The following TLN2 variants were observed in gnomAD, a reference collection of about 807,000 sequenced individuals.
The protein encoded by TLN2 is talin 2.
A neutral mutation model predicts 294.7 loss-of-function variants in TLN2; 118 were observed. That is an observed-to-expected ratio of 0.40 (90% CI 0.34 to 0.47). The LOEUF (loss-of-function observed/expected upper bound fraction) is 0.47. Among genes scored for constraint, TLN2 ranks in the 20% least tolerant of loss-of-function variants. The probability of loss-of-function intolerance (pLI) is 0.84; values close to 1 mark genes in which losing one functional copy is unlikely to be tolerated. For synonymous variants in TLN2, 1,431 were observed against 1,304.5 expected, an observed-to-expected ratio of 1.10 and a Z score of -2.09; for missense variants, 3,083 against 3,282.2, an observed-to-expected ratio of 0.94 and a Z score of 1.48.
At chr15:62,602,935 C>T (rs531220703) in intron 2 of TLN2, among the ~76,000 whole-genome samples, 3 of 151,406 alleles carry the variant, frequency 2.0e-5, no homozygotes, top group African/African-American at 7.3e-5. Context: ...CTCTGTTGCC[C>T]AGGCTGGAGT....
chr15:62,801,344 A>G (rs920141886), intron 50 of TLN2, among the ~76,000 whole-genome samples: 1 of 152,168 alleles, frequency 6.6e-6, no homozygotes, highest in African/African-American at 2.4e-5. Context: ...AGTTACTGCA[A>G]TGTGGATGAT....
Position 62,702,791 on chromosome 15 carries a change from C to T in TLN2, c.1931C>T (p.Ala644Val), listed in dbSNP as rs1410424536. ...GEPRQTVLTA[A>V]GSIGQASGDL... ...CCTCGACAGACAGTTTTGACTGCTG[C>T]TGGCAGCATCGGACAAGCCAGTGGG... The change falls in exon 19 of 59, where the codon GCT becomes GTT. Residue 644 changes from alanine (A) to valine (V), a missense_variant. Ala to Val is a moderately conservative substitution (Grantham distance 64). Transcript: ENST00000636159. 3 of 1,614,168 alleles carry T rather than the reference C, an allele frequency of 1.9e-6. No homozygotes were observed. Among genetic ancestry groups the T allele is most frequent in the Non-Finnish European group, 2.5e-6 (3 of 1,180,016 alleles).
chr15:62,594,243 C>G (rs986921300), intron 2 of TLN2, among the ~76,000 whole-genome samples: 3 of 152,224 alleles, frequency 2.0e-5, no homozygotes, highest in Non-Finnish European at 4.4e-5. Context: ...GGATCTCTCT[C>G]TGACACCCAG....
chr15:62,731,466 C>T (rs764451567), intron 28 of TLN2, among the ~76,000 whole-genome samples: 4 of 152,038 alleles, frequency 2.6e-5, no homozygotes, highest in Admixed American at 2.0e-4. Flanking sequence ...AAGATAAGGA[C>T]AGATCACAAT....
intron 1 of TLN2, among the ~76,000 whole-genome samples, chr15:62,582,228 A>G (rs1295490434): frequency 1.4e-5 from 2 of 146,384 alleles, no homozygotes; most frequent in South Asian, 4.7e-4. Context: ...ACACACACAC[A>G]CACACACACA....
chr15:62,780,340 C>G (rs953242306), intron 43 of TLN2, among the ~76,000 whole-genome samples: 1 of 152,184 alleles, frequency 6.6e-6, no homozygotes, highest in Admixed American at 6.5e-5. Flanking sequence ...TCATTCTCTC[C>G]TCTTCCTGTA....
At chr15:62,446,595 G>A (rs866358715) in intron 1 of TLN2, among the ~76,000 whole-genome samples, 4 of 152,194 alleles carry the variant, frequency 2.6e-5, no homozygotes, top group Middle Eastern at 6.8e-3. Flanking sequence ...TGGATGATCC[G>A]TTTTACATCT....
At chr15:62,470,342 G>C (rs547329040) in intron 1 of TLN2, among the ~76,000 whole-genome samples, 1 of 152,360 alleles carries the variant, frequency 6.6e-6, no homozygotes, top group South Asian at 2.1e-4. Flanking sequence ...AAACTCTTCA[G>C]TGAGGAAAAC....
intron 31 of TLN2, among the ~76,000 whole-genome samples, chr15:62,740,048 T>G (rs1010585596): frequency 5.7e-5 from 4 of 69,680 alleles, no homozygotes; most frequent in African/African-American, 1.8e-4. Flanking sequence ...GTGTTTTTTG[T>G]TTTTTTTTTT....
At chr15:62,528,134 T>C (rs1437771545) in intron 1 of TLN2, among the ~76,000 whole-genome samples, 1 of 152,242 alleles carries the variant, frequency 6.6e-6, no homozygotes, top group Non-Finnish European at 1.5e-5. Flanking sequence ...CATTAAATTT[T>C]ATATTTTTCA....
At chr15:62,529,219 G>A (rs1240052009) in intron 1 of TLN2, among the ~76,000 whole-genome samples, 1 of 151,836 alleles carries the variant, frequency 6.6e-6, no homozygotes, top group South Asian at 2.1e-4. Flanking sequence ...TCAGCATCCT[G>A]AGTAGCTGGG....
chr15:62,415,743 C>T (rs2034041084), intron 1 of TLN2, among the ~76,000 whole-genome samples: 1 of 152,176 alleles, frequency 6.6e-6, no homozygotes, highest in African/African-American at 2.4e-5. Context: ...GGTCTGCTTC[C>T]TCTGTTTGGA....
Position 62,644,839 on chromosome 15 carries a change from T to C in TLN2, c.-36-2436T>C, listed in dbSNP as rs532204798. 12 of 323,418 alleles carry C rather than the reference T, an allele frequency of 3.7e-5. No homozygotes were observed. In the East Asian group the frequency reaches 9.7e-4, roughly 26 times the overall value. 20.0% of individuals were successfully genotyped at this position (323,418 alleles called of 1,614,324 possible). A position where few individuals can be genotyped will look rare whatever the true frequency, so the allele number is the denominator to read the frequency against. On this transcript the variant is annotated intron_variant, in intron 3 of 58. Coordinates refer to ENST00000636159, the MANE Select transcript of TLN2 (RefSeq NM_015059.3). ...GGCTTCAGTGGAATCTCTCTCTGCA[T>C]GGTTAGGGGGACCATTCATTTGCCT...
intron 42 of TLN2, among the ~76,000 whole-genome samples, chr15:62,772,750 C>T (rs113432280): frequency 2.6e-5 from 4 of 151,992 alleles, no homozygotes; most frequent in South Asian, 2.1e-4. Context: ...GCAACCTCCG[C>T]GTCCCGGGTT....
chr15:62,433,371 G>A (rs1438472220), intron 1 of TLN2, among the ~76,000 whole-genome samples: 1 of 152,130 alleles, frequency 6.6e-6, no homozygotes, highest in Non-Finnish European at 1.5e-5. Flanking sequence ...CAGGAGGCCT[G>A]ATTCCAAAGT....
chr15:62,713,920 T>C (rs1250113504), intron 22 of TLN2, among the ~76,000 whole-genome samples: 3 of 50,142 alleles, frequency 6.0e-5, no homozygotes, highest in African/African-American at 1.1e-4. Flanking sequence ...ATATATGCTG[T>C]GTGTGTGTAT....
intron 28 of TLN2, among the ~76,000 whole-genome samples, chr15:62,728,934 T>G (rs566401886): frequency 2.7e-3 from 409 of 152,362 alleles, no homozygotes; most frequent in Non-Finnish European, 5.0e-3. Context: ...CTAAGATTAA[T>G]GCAGATGTTC....
chr15:62,663,040 G>A (rs1036476344), intron 9 of TLN2, among the ~76,000 whole-genome samples: 3 of 151,966 alleles, frequency 2.0e-5, no homozygotes, highest in Non-Finnish European at 4.4e-5. Context: ...AGCCAGGATG[G>A]TCTCGATCTC....
intron 1 of TLN2, among the ~76,000 whole-genome samples, chr15:62,551,129 A>G (rs755974160): frequency 6.6e-5 from 10 of 152,120 alleles, no homozygotes; most frequent in Non-Finnish European, 1.2e-4. Context: ...TTGCAATCCT[A>G]TGAGAATCTA....
Sources: gnomAD v4.1 joint callset for allele counts (sites outside exome capture counted in the v4.1 genomes callset) on GRCh38, gnomAD v4.1.1 for gene constraint, MANE v1.5 for transcripts, NCBI Gene and HGNC (gene_info 2026-07-23, HGNC 2026-07-21) for gene names.